The following PDS5B variants were observed in gnomAD, a reference collection of about 807,000 sequenced individuals.
PDS5B encodes the protein sister chromatid cohesion protein PDS5 homolog B.
Under a neutral mutation model 184.1 loss-of-function variants are expected in PDS5B, and 51 were observed. That is an observed-to-expected ratio of 0.28 (90% CI 0.22 to 0.35). The LOEUF (loss-of-function observed/expected upper bound fraction) is 0.35, where lower values mean the gene tolerates loss of function less well. PDS5B is among the 10% of genes least tolerant of loss of function. The pLI, the probability that PDS5B is intolerant of heterozygous loss-of-function variation, is 1.00. For missense variants in PDS5B, 1,180 were observed against 1,723.3 expected (o/e 0.68, Z 5.58); for synonymous variants, 566 against 569.2 (o/e 0.99, Z 0.08).
At chr13:32,744,369 T>G (rs1435298392) in intron 23 of PDS5B, among the ~76,000 whole-genome samples, 1 of 152,202 alleles carries the variant, frequency 6.6e-6, no homozygotes. Context: ...GAATTTTTTC[T>G]GGTAGAGACA....
intron 1 of PDS5B, among the ~76,000 whole-genome samples, chr13:32,606,464 G>T (rs1659257103): frequency 6.6e-6 from 1 of 152,120 alleles, no homozygotes; most frequent in South Asian, 2.1e-4. Flanking sequence ...TTCCCTTTGT[G>T]GGTAACCAGA....
intron 4 of PDS5B, 47 bp from the exon 5 acceptor site, chr13:32,658,387 T>C (rs41292173): frequency 0.027 from 38,853 of 1,425,528 alleles, 751 homozygotes; most frequent in Admixed American, 0.086. Flanking sequence ...TGTATATTTT[T>C]AATAATCAAA....
intron 1 of PDS5B, among the ~76,000 whole-genome samples, chr13:32,642,287 C>T (rs1950116633): frequency 6.6e-6 from 1 of 152,142 alleles, no homozygotes; most frequent in African/African-American, 2.4e-5. Context: ...CTGATAGTAG[C>T]TATTTGCGAT....
intron 1 of PDS5B, among the ~76,000 whole-genome samples, chr13:32,643,240 G>T (rs768054954): frequency 2.6e-5 from 4 of 152,086 alleles, no homozygotes; most frequent in Non-Finnish European, 5.9e-5. Context: ...CTAGGCATTG[G>T]CTGAGTATCT....
At chr13:32,751,374 C>G (rs1424414669) in intron 24 of PDS5B, among the ~76,000 whole-genome samples, 7 of 152,188 alleles carry the variant, frequency 4.6e-5, no homozygotes, top group African/African-American at 1.7e-4. Flanking sequence ...GGTATATACC[C>G]AGTAATGGGA....
At chr13:32,717,119 G>A (rs1333023309) in intron 19 of PDS5B, among the ~76,000 whole-genome samples, 24 of 149,936 alleles carry the variant, frequency 1.6e-4, no homozygotes, top group African/African-American at 4.9e-4. Context: ...GGTGAGGGGC[G>A]CCTCTGCCCG....
chr13:32,676,387 T>C (rs938375352), intron 9 of PDS5B, among the ~76,000 whole-genome samples: 2 of 152,174 alleles, frequency 1.3e-5, no homozygotes, highest in African/African-American at 4.8e-5. Flanking sequence ...CTTCCTTCTG[T>C]ATTACTCAGT....
intron 17 of PDS5B, 29 bp from the exon 18 acceptor site, chr13:32,706,905 A>C (rs1952037248): frequency 6.9e-7 from 1 of 1,446,192 alleles, no homozygotes; most frequent in East Asian, 2.3e-5. Context: ...GTAACATTTG[A>C]AAAAATGACT....
chr13:32,765,252 AT>A (rs917738856), intron 31 of PDS5B, among the ~76,000 whole-genome samples: 17 of 152,344 alleles, frequency 1.1e-4, no homozygotes, highest in African/African-American at 4.1e-4. Flanking sequence ...TTAATAACTA[AT>A]TAGGCTATCA....
intron 25 of PDS5B, among the ~76,000 whole-genome samples, chr13:32,754,700 A>C (rs1954111320): frequency 6.6e-6 from 1 of 151,914 alleles, no homozygotes; most frequent in African/African-American, 2.4e-5. Context: ...TAGTTTCCTT[A>C]TTTGCAAAAT....
At chr13:32,616,627 A>T (rs1440316346) in intron 1 of PDS5B, among the ~76,000 whole-genome samples, 1 of 152,194 alleles carries the variant, frequency 6.6e-6, no homozygotes, top group Non-Finnish European at 1.5e-5. Flanking sequence ...AATCCAAGGG[A>T]ATTGGACAGA....
chr13:32,749,039 T>C (rs761077998), intron 24 of PDS5B, among the ~76,000 whole-genome samples: 2 of 152,198 alleles, frequency 1.3e-5, no homozygotes, highest in Non-Finnish European at 2.9e-5. Context: ...TTAAAATATT[T>C]AGGGGGTTGA....
intron 30 of PDS5B, 68 bp downstream of exon 30, chr13:32,760,788 T>C: frequency 7.1e-7 from 1 of 1,414,388 alleles, no homozygotes; most frequent in Non-Finnish European, 9.7e-7. Flanking sequence ...TCTGAAATAA[T>C]ATAATCCAAA....
chr13:32,679,003 A>C (rs1951154682), intron 10 of PDS5B, 74 bp downstream of exon 10: 1 of 743,136 alleles, frequency 1.3e-6, no homozygotes, highest in African/African-American at 1.8e-5. Context: ...TAGGGGGAAA[A>C]AAAACCCCTT....
intron 24 of PDS5B, 80 bp from the exon 25 acceptor site, chr13:32,753,252 T>G: frequency 1.6e-6 from 2 of 1,213,534 alleles, no homozygotes; most frequent in Non-Finnish European, 2.4e-6. Flanking sequence ...ACTCTTTACT[T>G]AAAATAGCAA....
chr13:32,746,220 A>C lies in PDS5B; in HGVS notation c.2736+120A>C, dbSNP rs991531213. 7 of 836,078 alleles carry C rather than the reference A, an allele frequency of 8.4e-6. No individual in the cohort carries two copies. In the African/African-American group the frequency reaches 1.2e-4, roughly 14 times the overall value. 51.8% of individuals were successfully genotyped at this position (836,078 alleles called of 1,614,324 possible). On this transcript the variant is annotated intron_variant, in intron 24 of 34. Transcript: ENST00000315596. ...GTGTATGGTTTGTTTGTTTCTGAAA[A>C]ATTTATGCATGAGAAACATTTCAGA...
chr13:32,694,052 A>G (rs1415390028), intron 13 of PDS5B, among the ~76,000 whole-genome samples, 171 bp from the exon 14 acceptor site: 1 of 151,720 alleles, frequency 6.6e-6, no homozygotes, highest in Non-Finnish European at 1.5e-5. Flanking sequence ...GCTGTGTTAT[A>G]TTTGATTCCA....
intron 16 of PDS5B, chr13:32,700,851 T>C (rs1292256891): frequency 6.5e-6 from 1 of 154,070 alleles, no homozygotes; most frequent in Non-Finnish European, 1.4e-5. Flanking sequence ...CCTTCTGAAA[T>C]GCTTTTTAGA....
At chr13:32,639,075 A>G (rs958474126) in intron 1 of PDS5B, among the ~76,000 whole-genome samples, 4 of 134,770 alleles carry the variant, frequency 3.0e-5, no homozygotes, top group African/African-American at 8.6e-5. Context: ...CGAGTTGACT[A>G]CTGAGCAGAG....
Sources: gnomAD v4.1 joint callset for allele counts (sites outside exome capture counted in the v4.1 genomes callset) on GRCh38, gnomAD v4.1.1 for gene constraint, MANE v1.5 for transcripts, NCBI Gene and HGNC (gene_info 2026-07-23, HGNC 2026-07-21) for gene names.